Variants in C6orf118 observed in about 807,000 individuals in gnomAD.
C6orf118 encodes chromosome 6 open reading frame 118, also known as uncharacterized protein C6orf118.
A neutral mutation model predicts 50.2 loss-of-function variants in C6orf118; 50 were observed. The ratio of observed to expected loss-of-function variants is 1.00; its 90% confidence interval spans 0.79 to 1.26. The LOEUF (loss-of-function observed/expected upper bound fraction) is 1.26. Ranked by LOEUF, C6orf118 falls within the 50% of genes most tolerant of loss-of-function variation. The probability of loss-of-function intolerance (pLI) is 0.00; values close to 1 mark genes in which losing one functional copy is unlikely to be tolerated. For synonymous variants in C6orf118, 239 were observed against 230.9 expected (o/e 1.03, Z -0.32); for missense variants, 641 against 578.7 (o/e 1.11, Z -1.10).
intron 7 of C6orf118, among the ~76,000 whole-genome samples, chr6:165,283,275 G>A (rs573857504): frequency 1.4e-4 from 22 of 152,312 alleles, no homozygotes; most frequent in Non-Finnish European, 2.8e-4. Flanking sequence ...GAGGCAGTGA[G>A]TGATTGTGTT....
rs777954568 is a variant in C6orf118, at chr6:165,302,090, G to T, written c.232C>A (p.Gln78Lys). ...KLYQPPETIL[Q>K]HWPNAHRPKG... ...GGCCGGTGGGCATTGGGCCAGTGCTGTAAGATCGTCTCCGGAGGCTGGTAG... is the reference window on the plus strand; with the variant it reads ...GGCCGGTGGGCATTGGGCCAGTGCTTTAAGATCGTCTCCGGAGGCTGGTAG... The change falls in exon 2 of 9, where the codon CAG (glutamine) becomes AAG (lysine). Residue 78 changes from glutamine to lysine, a missense_variant. By Grantham distance (53) the Gln-to-Lys change is moderately conservative. Transcript: ENST00000230301. The T allele has an allele frequency of 6.2e-7, 1 of 1,614,008 alleles. No individual in the cohort carries two copies. Among genetic ancestry groups the T allele is most frequent in the South Asian group, 1.1e-5 (1 of 91,070 alleles).
chr6:165,293,129 T>A (rs934182838), intron 6 of C6orf118: 3 of 363,628 alleles, frequency 8.3e-6, no homozygotes, highest in African/African-American at 6.1e-5. Flanking sequence ...AATGTTAATA[T>A]CTATTTCATA....
At chr6:165,307,394 AC>A (rs372251576) in intron 1 of C6orf118, among the ~76,000 whole-genome samples, 25 of 150,514 alleles carry the variant, frequency 1.7e-4, no homozygotes, top group African/African-American at 4.5e-4. Flanking sequence ...CCTTGTCTCT[AC>A]AAAAAATACA....
Position 165,280,098 on chromosome 6 carries a change from T to C in C6orf118, c.1369A>G (p.Ile457Val). 6.2e-6 allele frequency: 10 copies of C among 1,608,016 alleles called. No homozygotes were observed. The highest frequency in any genetic ancestry group is 7.6e-6 in the Non-Finnish European group (9 of 1,178,108). ...CTGATTTTACAAATTCCTTGATAAA[T>C]TTCCAAAGGCCCCTTAAAATACATA... ...LKKKIKGPLE[I>V]YQGICKIRGN... The change falls in exon 9 of 9, where the codon ATT becomes GTT. Residue 457 changes from isoleucine to valine, a missense_variant. Coordinates refer to ENST00000230301, the MANE Select transcript of C6orf118 (RefSeq NM_144980.4).
intron 1 of C6orf118, among the ~76,000 whole-genome samples, chr6:165,308,772 G>T (rs1371195830): frequency 5.9e-5 from 9 of 152,228 alleles, no homozygotes; most frequent in African/African-American, 2.2e-4. Context: ...TGAGGTTCAG[G>T]TGGTCAGATG....
In C6orf118 at chr6:165,280,107, G is replaced by C. The variant is rs762816830; in HGVS notation, c.1360C>G (p.Pro454Ala). ...NMILKKKIKG[P>A]LEIYQGICKI... ...CAAATTCCTTGATAAATTTCCAAAG[G>C]CCCCTTAAAATACATAAGAAATGAA... The change falls in exon 9 of 9, where the codon CCT (proline) becomes GCT (alanine). Residue 454 changes from proline (P) to alanine (A), a missense_variant. Coordinates refer to ENST00000230301, the MANE Select transcript of C6orf118 (RefSeq NM_144980.4). 2 of 1,603,314 alleles carry C rather than the reference G, an allele frequency of 1.2e-6. No homozygotes were observed. The highest frequency in any genetic ancestry group is 2.7e-5 in the African/African-American group (2 of 74,298).
At chr6:165,288,387 T>C (rs1779986855) in intron 7 of C6orf118, among the ~76,000 whole-genome samples, 1 of 152,148 alleles carries the variant, frequency 6.6e-6, no homozygotes, top group South Asian at 2.1e-4. Flanking sequence ...TCCTCAAAGA[T>C]TTAGAACTCA....
chr6:165,280,500 C>T (rs955944823), intron 8 of C6orf118, among the ~76,000 whole-genome samples: 10 of 152,170 alleles, frequency 6.6e-5, no homozygotes, highest in African/African-American at 2.4e-4. Context: ...CTAGATCCAC[C>T]TGTATGGCTT....
intron 3 of C6orf118, 41 bp from the exon 4 acceptor site, chr6:165,299,543 G>A: frequency 1.3e-6 from 2 of 1,509,812 alleles, no homozygotes; most frequent in Non-Finnish European, 1.8e-6. Context: ...CATGTATGAG[G>A]AGGCCACAGT....
At chr6:165,307,953 A>G (rs540154597) in intron 1 of C6orf118, among the ~76,000 whole-genome samples, 65 of 152,196 alleles carry the variant, frequency 4.3e-4, no homozygotes, top group Admixed American at 1.4e-3. Flanking sequence ...TGAGATTGCA[A>G]TCTGGCCTTT....
At chr6:165,290,164 T>G (rs1180521476) in intron 6 of C6orf118, 97 bp from the exon 7 acceptor site, 2 of 675,330 alleles carry the variant, frequency 3.0e-6, no homozygotes, top group South Asian at 2.3e-5. Flanking sequence ...TATGCTATAG[T>G]ATATATAACT....
intron 5 of C6orf118, among the ~76,000 whole-genome samples, chr6:165,294,639 A>G (rs1451677006): frequency 6.6e-6 from 1 of 152,180 alleles, no homozygotes; most frequent in Non-Finnish European, 1.5e-5. Context: ...TAATCCCAGC[A>G]CTTTGAATGG....
At chr6:165,301,098 C>T (rs997280530) in intron 2 of C6orf118, among the ~76,000 whole-genome samples, 1 of 152,164 alleles carries the variant, frequency 6.6e-6, no homozygotes. Flanking sequence ...TGGGCCTCCC[C>T]CAGCTGACCA....
rs1201953982 is a variant in C6orf118, at chr6:165,293,452, T to A, written c.1081A>T (p.Met361Leu). Residue 361 changes from methionine (M) to leucine (L), a missense_variant, in exon 6 of 9, where the codon ATG (methionine) becomes TTG (leucine). Transcript: ENST00000230301. The stretch of plus-strand genomic sequence containing the variant: ...GCAGACTGCAGCAATGCCACCTCCA[T>A]CTCCAGTTCACTTCTGAGTCTACAA... ...QNDRLRSELE[M>L]EVALLQSAKE... The A allele has an allele frequency of 6.2e-7, 1 of 1,613,560 alleles. No homozygotes were observed. The highest frequency in any genetic ancestry group is 1.1e-5 in the South Asian group (1 of 91,034).
At chr6:165,302,684 C>T (rs115334776) in intron 1 of C6orf118, among the ~76,000 whole-genome samples, 3 of 152,054 alleles carry the variant, frequency 2.0e-5, no homozygotes, top group Admixed American at 6.5e-5. Context: ...CGTATTTCAC[C>T]GGCCGGGGAA....
intron 7 of C6orf118, among the ~76,000 whole-genome samples, chr6:165,284,079 G>A (rs1235257438): frequency 6.6e-6 from 1 of 152,072 alleles, no homozygotes; most frequent in Admixed American, 6.6e-5. Context: ...TAAGAACCAT[G>A]ATAAAACATT....
chr6:165,293,484 G>C lies in C6orf118; in HGVS notation c.1062-13C>G, dbSNP rs760075300. Reference sequence around the variant, plus strand: ...TTCACTTCTGAGTCTACAATGTGAGGATAAACAATAGGGAAATATTAGATC... The same window carrying C: ...TTCACTTCTGAGTCTACAATGTGAGCATAAACAATAGGGAAATATTAGATC... On this transcript the variant is annotated splice_polypyrimidine_tract_variant and intron_variant, in intron 5 of 8. Coordinates refer to ENST00000230301, the MANE Select transcript of C6orf118 (RefSeq NM_144980.4). 2 of 1,607,922 alleles carry C rather than the reference G, an allele frequency of 1.2e-6. No individual in the cohort carries two copies. The highest frequency in any genetic ancestry group is 1.7e-6 in the Non-Finnish European group (2 of 1,175,404).
intron 1 of C6orf118, 122 bp downstream of exon 1, chr6:165,309,440 C>A: frequency 8.5e-7 from 1 of 1,180,712 alleles, no homozygotes; most frequent in Non-Finnish European, 1.2e-6. Context: ...GACCCTGGAG[C>A]CGGCGTGCAG....
At chr6:165,307,162 C>G (rs1780765809) in intron 1 of C6orf118, among the ~76,000 whole-genome samples, 1 of 152,004 alleles carries the variant, frequency 6.6e-6, no homozygotes, top group Non-Finnish European at 1.5e-5. Context: ...CATTTTTAAA[C>G]AGAGGTTTTT....
Sources: gnomAD v4.1 joint callset for allele counts (sites outside exome capture counted in the v4.1 genomes callset) on GRCh38, gnomAD v4.1.1 for gene constraint, MANE v1.5 for transcripts, NCBI Gene and HGNC (gene_info 2026-07-23, HGNC 2026-07-21) for gene names.